Variants in FOXP2 observed in about 807,000 individuals in gnomAD.
The protein encoded by FOXP2 is forkhead box P2.
In FOXP2, 12 loss-of-function variants were observed where a neutral mutation model predicts 115.8. The observed-to-expected ratio is 0.10, with a 90% CI of 0.07 to 0.17. The LOEUF (loss-of-function observed/expected upper bound fraction) is 0.17. FOXP2 is among the 10% of genes least tolerant of loss of function. FOXP2 has a pLI of 1.00. For synonymous variants in FOXP2, 328 were observed against 297.7 expected (o/e 1.10, Z -1.05); for missense variants, 629 against 843.5 (o/e 0.75, Z 3.15).
At chr7:114,490,497 G>A (rs1796988562) in intron 2 of FOXP2, among the ~76,000 whole-genome samples, 1 of 151,862 alleles carries the variant, frequency 6.6e-6, no homozygotes, top group African/African-American at 2.4e-5. Context: ...AATGGTGGAT[G>A]CATGTCATTA....
chr7:114,152,398 T>C (rs1275321786), intron 1 of FOXP2, among the ~76,000 whole-genome samples: 2 of 152,204 alleles, frequency 1.3e-5, no homozygotes, highest in Admixed American at 1.3e-4. Context: ...TTTGAGCACA[T>C]ACTTCTACAG....
Position 114,690,040 on chromosome 7 carries a change from A to G in FOXP2, c.*114A>G, listed in dbSNP as rs764109407. On this transcript the variant is annotated 3_prime_UTR_variant, in exon 17 of 17. Transcript: ENST00000350908. ...TGTGACTATTTATTAAGCATGGATA[A>G]AGGAGACAGCCCTAAAGGAACTTAC... The G allele has an allele frequency of 1.4e-5, 19 of 1,328,240 alleles. No individual in the cohort carries two copies. The highest frequency in any genetic ancestry group is 1.0e-4 in the Admixed American group (6 of 58,446). The allele number at this position is 1,328,240 out of a possible 1,614,324, so 82.3% of individuals were successfully genotyped here. A position where few individuals can be genotyped will look rare whatever the true frequency, so the allele number is the denominator to read the frequency against.
intron 3 of FOXP2, among the ~76,000 whole-genome samples, chr7:114,586,579 C>CTTT (rs1802144699): frequency 6.6e-6 from 1 of 151,762 alleles, no homozygotes. Context: ...TGTTGCTGAA[C>CTTT]TATTTGCTTT....
chr7:114,168,730 A>ACGT (rs1336911995), intron 1 of FOXP2, among the ~76,000 whole-genome samples: 1 of 152,138 alleles, frequency 6.6e-6, no homozygotes, highest in Non-Finnish European at 1.5e-5. Flanking sequence ...AATGGGGAAA[A>ACGT]CGTCTCTGTG....
intron 1 of FOXP2, among the ~76,000 whole-genome samples, chr7:114,114,699 T>C (rs1791357497): frequency 6.6e-6 from 1 of 152,192 alleles, no homozygotes; most frequent in South Asian, 2.1e-4. Context: ...TTGAATTGTA[T>C]TTCTCTATGA....
At chr7:114,678,726 T>C (rs1730175019) in intron 16 of FOXP2, among the ~76,000 whole-genome samples, 1 of 152,044 alleles carries the variant, frequency 6.6e-6, no homozygotes, top group South Asian at 2.1e-4. Flanking sequence ...GCCATTGCTG[T>C]TACTAGCACC....
chr7:114,116,586 T>A (rs1791412942), intron 1 of FOXP2, among the ~76,000 whole-genome samples: 1 of 151,848 alleles, frequency 6.6e-6, no homozygotes, highest in African/African-American at 2.4e-5. Flanking sequence ...AAAGATTGAC[T>A]CCAATTCAAG....
chr7:114,390,512 T>TTTTATTTATTTATTTATTTATTTA (rs1191388413), intron 2 of FOXP2, among the ~76,000 whole-genome samples: 1 of 40,262 alleles, frequency 2.5e-5, no homozygotes, highest in African/African-American at 6.5e-5. Context: ...CATACTTTTG[T>TTTTATTTATTTATTTATTTATTTA]TTTATTTATG....
chr7:114,327,010 A>G (rs1031049010), intron 2 of FOXP2, among the ~76,000 whole-genome samples: 1 of 152,142 alleles, frequency 6.6e-6, no homozygotes, highest in Non-Finnish European at 1.5e-5. Flanking sequence ...TGCTTTGTTA[A>G]TAACCTTTCA....
chr7:114,622,681 T>A (rs1804319783), intron 3 of FOXP2, among the ~76,000 whole-genome samples: 1 of 151,970 alleles, frequency 6.6e-6, no homozygotes, highest in Non-Finnish European at 1.5e-5. Context: ...TCTTAGAGAG[T>A]TGTCTTTTAT....
At chr7:114,484,423 G>A (rs1430261099) in intron 2 of FOXP2, among the ~76,000 whole-genome samples, 1 of 151,840 alleles carries the variant, frequency 6.6e-6, no homozygotes, top group Non-Finnish European at 1.5e-5. Flanking sequence ...GTACAATCCA[G>A]TGGTCAAATG....
intron 2 of FOXP2, among the ~76,000 whole-genome samples, chr7:114,518,876 G>A (rs569263992): frequency 3.3e-5 from 5 of 152,116 alleles, no homozygotes; most frequent in African/African-American, 1.2e-4. Context: ...CATTCTTCAA[G>A]TAAGTAGACA....
chr7:114,126,940 C>T (rs1791726387), intron 1 of FOXP2, among the ~76,000 whole-genome samples: 2 of 152,088 alleles, frequency 1.3e-5, no homozygotes, highest in Admixed American at 6.6e-5. Flanking sequence ...ACTTTATTAT[C>T]TCATAGTTTT....
At chr7:114,504,426 G>A (rs575962172) in intron 2 of FOXP2, among the ~76,000 whole-genome samples, 1 of 151,640 alleles carries the variant, frequency 6.6e-6, no homozygotes, top group East Asian at 1.9e-4. Context: ...TGTATAGTAA[G>A]TACAATTCCA....
chr7:114,523,746 C>T (rs1289251157), intron 2 of FOXP2, among the ~76,000 whole-genome samples: 4 of 152,134 alleles, frequency 2.6e-5, no homozygotes, highest in Non-Finnish European at 5.9e-5. Context: ...CCATCTCATC[C>T]TTTTGCTATC....
At chr7:114,532,751 C>G (rs1562981079) in intron 2 of FOXP2, among the ~76,000 whole-genome samples, 1 of 151,438 alleles carries the variant, frequency 6.6e-6, no homozygotes, top group Non-Finnish European at 1.5e-5. Flanking sequence ...AAAATAAACT[C>G]ATCAACTCGA....
At position 114,690,129 on chromosome 7, in the gene FOXP2, C is replaced by CTTTTTTTT; in HGVS notation, c.*213_*220dup. On this transcript the variant is annotated 3_prime_UTR_variant, in exon 17 of 17. Coordinates refer to ENST00000350908, the MANE Select transcript of FOXP2 (RefSeq NM_014491.4). ...TGCTTGTTTTCTTCTTCTTCTTCTT[C>CTTTTTTTT]TTTTTTTTTTTTTTTTTAGAAAAAA... The CTTTTTTTT allele has an allele frequency of 1.9e-5, 8 of 420,530 alleles. No homozygotes were observed. Among genetic ancestry groups the CTTTTTTTT allele is most frequent in the East Asian group, 1.2e-4 (2 of 17,232 alleles). The allele number at this position is 420,530 out of a possible 1,614,324, so 26.0% of individuals were successfully genotyped here.
intron 2 of FOXP2, among the ~76,000 whole-genome samples, chr7:114,493,573 T>C (rs1422801457): frequency 6.6e-6 from 1 of 152,066 alleles, no homozygotes; most frequent in Non-Finnish European, 1.5e-5. Flanking sequence ...GAGATCAATA[T>C]CATTTATGTA....
chr7:114,453,784 A>T (rs1352989472), intron 2 of FOXP2, among the ~76,000 whole-genome samples: 1 of 152,178 alleles, frequency 6.6e-6, no homozygotes, highest in Admixed American at 6.5e-5. Context: ...TCCCTATTTA[A>T]TAAATGGTGC....
Sources: allele counts gnomAD v4.1 joint callset (sites outside exome capture counted in the v4.1 genomes callset), GRCh38; gene constraint gnomAD v4.1.1; transcripts MANE v1.5; gene names NCBI Gene and HGNC (gene_info 2026-07-23, HGNC 2026-07-21).